The following KCTD1 variants were observed in gnomAD, a reference collection of about 807,000 sequenced individuals.
The protein encoded by KCTD1 is BTB/POZ domain-containing protein KCTD1.
A neutral mutation model predicts 66.0 loss-of-function variants in KCTD1; 24 were observed. The ratio of observed to expected loss-of-function variants is 0.36; its 90% CI spans 0.26 to 0.51. The LOEUF (loss-of-function observed/expected upper bound fraction) is 0.51, where lower values mean the gene tolerates loss of function less well. Among genes scored for constraint, KCTD1 ranks in the 20% least tolerant of loss-of-function variants. The probability of loss-of-function intolerance (pLI) is 0.95; values close to 1 mark genes in which losing one functional copy is unlikely to be tolerated. For synonymous variants in KCTD1, 511 were observed against 517.2 expected (o/e 0.99, Z 0.16); for missense variants, 943 against 1,205.2 (o/e 0.78, Z 3.22).
chr18:26,532,248 C>CT lies in KCTD1; in HGVS notation c.1809+14479dup, dbSNP rs765453665. On this transcript the variant is annotated intron_variant, in intron 1 of 4. Coordinates refer to ENST00000580059, the MANE Select transcript of KCTD1 (RefSeq NM_001142730.3). Reference sequence around the variant, plus strand: ...TTCCTTTTTTATTCTTTTTCTTTTTCTTTTCTTTCCTTCTTTTTTTTTTTT... The same window carrying CT: ...TTCCTTTTTTATTCTTTTTCTTTTTCTTTTTCTTTCCTTCTTTTTTTTTTTT... Among the ~76,000 whole-genome samples the CT allele has an allele frequency of 5.2e-5, 7 of 133,848 alleles. No homozygotes were observed. In the East Asian group the frequency reaches 1.0e-3, roughly 20 times the overall value. 87.8% of individuals were successfully genotyped at this position (133,848 alleles called of 152,430 possible).
chr18:26,611,259 A>C (rs2144993060), intron 1 of KCTD1, among the ~76,000 whole-genome samples: 1 of 152,182 alleles, frequency 6.6e-6, no homozygotes, highest in Middle Eastern at 3.4e-3. Context: ...CAAACATTGA[A>C]TTTTCATCTC....
intron 1 of KCTD1, among the ~76,000 whole-genome samples, chr18:26,524,424 T>C (rs1279676027): frequency 1.3e-5 from 2 of 152,210 alleles, no homozygotes; most frequent in South Asian, 4.1e-4. Flanking sequence ...TCTTTACAGA[T>C]AGAATTAGCT....
intron 3 of KCTD1, among the ~76,000 whole-genome samples, chr18:26,475,320 C>T (rs1251881224): frequency 6.6e-6 from 1 of 152,114 alleles, no homozygotes; most frequent in Admixed American, 6.5e-5. Flanking sequence ...AGTGGGTTTG[C>T]ACTGACTATA....
chr18:26,532,363 G>A (rs756936449), intron 1 of KCTD1, among the ~76,000 whole-genome samples: 73 of 145,330 alleles, frequency 5.0e-4, no homozygotes, highest in Non-Finnish European at 7.0e-4. Context: ...TTGAACTCCT[G>A]GGCTTAAGAG....
chr18:26,510,495 G>T (rs1482057882), intron 1 of KCTD1, among the ~76,000 whole-genome samples: 1 of 152,310 alleles, frequency 6.6e-6, no homozygotes, highest in South Asian at 2.1e-4. Context: ...AGGCGTTACT[G>T]CTGTTTATCT....
intron 3 of KCTD1, among the ~76,000 whole-genome samples, chr18:26,472,997 A>G (rs1981151164): frequency 6.6e-6 from 1 of 152,228 alleles, no homozygotes; most frequent in Admixed American, 6.5e-5. Flanking sequence ...GGCTGGAGGC[A>G]GAGACTGCAC....
chr18:26,463,559 G>A (rs1421034594), intron 3 of KCTD1, among the ~76,000 whole-genome samples: 1 of 150,456 alleles, frequency 6.6e-6, no homozygotes, highest in Non-Finnish European at 1.5e-5. Flanking sequence ...TTTTTGAGAT[G>A]GAGTTTCGCT....
intron 3 of KCTD1, among the ~76,000 whole-genome samples, chr18:26,461,684 A>C (rs948350242): frequency 1.3e-5 from 2 of 152,200 alleles, no homozygotes; most frequent in East Asian, 1.9e-4. Flanking sequence ...TGACCTAAAC[A>C]CTTATTTACC....
At chr18:26,517,683 A>AAG (rs1983723376) in intron 1 of KCTD1, among the ~76,000 whole-genome samples, 1 of 150,420 alleles carries the variant, frequency 6.6e-6, no homozygotes, top group Non-Finnish European at 1.5e-5. Context: ...AAAAAAAAAA[A>AAG]GGGTAGTTTC....
intron 1 of KCTD1, among the ~76,000 whole-genome samples, chr18:26,619,469 C>T (rs535959635): frequency 2.6e-5 from 4 of 152,244 alleles, no homozygotes; most frequent in East Asian, 1.9e-4. Context: ...GTGATATAGA[C>T]GTATTGTAGG....
chr18:26,569,646 T>C (rs1431356518), intron 1 of KCTD1, among the ~76,000 whole-genome samples: 3 of 152,038 alleles, frequency 2.0e-5, no homozygotes, highest in Admixed American at 2.0e-4. Context: ...GTTACATTAA[T>C]TGTTGAGGGG....
intron 1 of KCTD1, among the ~76,000 whole-genome samples, chr18:26,527,737 T>C (rs1170447339): frequency 6.6e-6 from 1 of 152,188 alleles, no homozygotes; most frequent in Admixed American, 6.5e-5. Flanking sequence ...TTGTGGTAAA[T>C]TGTGCCTTTT....
At chr18:26,521,583 C>T (rs1237306341) in intron 1 of KCTD1, among the ~76,000 whole-genome samples, 1 of 152,190 alleles carries the variant, frequency 6.6e-6, no homozygotes, top group Non-Finnish European at 1.5e-5. Flanking sequence ...CCTTAAAGAT[C>T]TATCAAGATT....
At chr18:26,526,973 G>A (rs535515565) in intron 1 of KCTD1, among the ~76,000 whole-genome samples, 37 of 151,622 alleles carry the variant, frequency 2.4e-4, no homozygotes, top group Non-Finnish European at 4.0e-4. Context: ...GTAGTGATGC[G>A]TAAACAGTGG....
upstream of KCTD1, among the ~76,000 whole-genome samples, chr18:26,641,006 T>C (rs529434675): frequency 4.6e-5 from 7 of 152,182 alleles, no homozygotes; most frequent in East Asian, 5.8e-4. Context: ...GGGGCTGAAT[T>C]TGTGTTTCTC....
chr18:26,516,101 A>C (rs1471635699), intron 1 of KCTD1, among the ~76,000 whole-genome samples: 2 of 152,056 alleles, frequency 1.3e-5, no homozygotes, highest in African/African-American at 2.4e-5. Context: ...GTGAGAAGAA[A>C]GGGAAGGGGA....
At chr18:26,470,782 G>A (rs1981015501) in intron 3 of KCTD1, among the ~76,000 whole-genome samples, 1 of 152,228 alleles carries the variant, frequency 6.6e-6, no homozygotes, top group Non-Finnish European at 1.5e-5. Context: ...AGCTACACCA[G>A]GCCCAGGTAG....
intron 1 of KCTD1, among the ~76,000 whole-genome samples, chr18:26,616,420 A>C (rs559039978): frequency 3.3e-5 from 5 of 151,558 alleles, no homozygotes; most frequent in Admixed American, 6.6e-5. Context: ...AACTCCCTCG[A>C]GGCCCATCTA....
At chr18:26,653,548 T>C (rs1167656146) in intron 1 of KCTD1, among the ~76,000 whole-genome samples, 1 of 152,250 alleles carries the variant, frequency 6.6e-6, no homozygotes, top group Non-Finnish European at 1.5e-5. Context: ...GTCTGGACTA[T>C]AAGCTCCATG....
Sources: gnomAD v4.1 joint callset for allele counts (sites outside exome capture counted in the v4.1 genomes callset) on GRCh38, gnomAD v4.1.1 for gene constraint, MANE v1.5 for transcripts, NCBI Gene and HGNC (gene_info 2026-07-23, HGNC 2026-07-21) for gene names.